The following SNTG1 variants were observed in gnomAD, a reference collection of about 807,000 sequenced individuals.
The protein encoded by SNTG1 is syntrophin gamma 1.
Under a neutral mutation model 74.7 loss-of-function variants are expected in SNTG1, and 39 were observed. The observed-to-expected ratio is 0.52, with a 90% CI of 0.40 to 0.68. The LOEUF (loss-of-function observed/expected upper bound fraction) is 0.68. Ranked by LOEUF, SNTG1 falls within the 30% of genes least tolerant of loss-of-function variation. The pLI is 0.00. For synonymous variants in SNTG1, 254 were observed against 217.1 expected (o/e 1.17, Z -1.49); for missense variants, 685 against 609.5 (o/e 1.12, Z -1.30).
intron 17 of SNTG1, among the ~76,000 whole-genome samples, chr8:50,734,751 A>T (rs1409704933): frequency 2.3e-5 from 2 of 88,172 alleles, no homozygotes; most frequent in Non-Finnish European, 4.2e-5. Context: ...ACATGTATAT[A>T]GATATCTATA....
intron 2 of SNTG1, among the ~76,000 whole-genome samples, chr8:50,352,710 TCA>T (rs1239102730): frequency 6.6e-6 from 1 of 152,164 alleles, no homozygotes; most frequent in Non-Finnish European, 1.5e-5. Context: ...TGGTAATTAT[TCA>T]GTATAGAAGT....
At chr8:50,476,423 G>A (rs921065290) in intron 8 of SNTG1, among the ~76,000 whole-genome samples, 16 of 152,030 alleles carry the variant, frequency 1.1e-4, no homozygotes, top group Admixed American at 8.5e-4. Context: ...ATGGATTATG[G>A]GTTAAAAATT....
chr8:50,313,398 T>C (rs1587079777), intron 2 of SNTG1, among the ~76,000 whole-genome samples: 1 of 149,508 alleles, frequency 6.7e-6, no homozygotes, highest in East Asian at 2.0e-4. Flanking sequence ...TAGAGAAAAA[T>C]ATTTGCAAAT....
At chr8:50,104,877 A>G (rs920340579) in intron 1 of SNTG1, among the ~76,000 whole-genome samples, 4 of 151,948 alleles carry the variant, frequency 2.6e-5, no homozygotes, top group East Asian at 1.9e-4. Context: ...CCACTTTTCA[A>G]TGGGGTTGTT....
At chr8:50,332,609 G>C (rs2091008544) in intron 2 of SNTG1, among the ~76,000 whole-genome samples, 3 of 152,248 alleles carry the variant, frequency 2.0e-5, no homozygotes, top group Admixed American at 6.5e-5. Context: ...GATGGAATCA[G>C]CTCTTAAGTT....
intron 1 of SNTG1, among the ~76,000 whole-genome samples, chr8:50,084,096 C>T (rs893651181): frequency 5.3e-5 from 8 of 152,156 alleles, no homozygotes; most frequent in Middle Eastern, 3.2e-3. Flanking sequence ...CTAAAAGACA[C>T]CTCTCACACT....
intron 17 of SNTG1, among the ~76,000 whole-genome samples, chr8:50,729,989 AC>A (rs1205135899): frequency 6.6e-6 from 1 of 152,072 alleles, no homozygotes; most frequent in Non-Finnish European, 1.5e-5. Flanking sequence ...TGGAGGGAGC[AC>A]CCCGTATTCA....
intron 1 of SNTG1, among the ~76,000 whole-genome samples, chr8:50,051,705 A>G (rs1819590418): frequency 6.6e-6 from 1 of 152,026 alleles, no homozygotes; most frequent in Admixed American, 6.6e-5. Context: ...CCGTTCTGCC[A>G]CCCAGTATTC....
chr8:50,418,716 T>A (rs2093044195), intron 4 of SNTG1, among the ~76,000 whole-genome samples: 1 of 152,110 alleles, frequency 6.6e-6, no homozygotes, highest in Non-Finnish European at 1.5e-5. Flanking sequence ...CTTAAACATG[T>A]TAGGCAAACT....
chr8:50,741,274 C>A (rs571169185), intron 17 of SNTG1, among the ~76,000 whole-genome samples: 2 of 152,028 alleles, frequency 1.3e-5, no homozygotes, highest in South Asian at 4.1e-4. Flanking sequence ...AGGTGTGTGC[C>A]ACCAGTCCTG....
chr8:50,380,111 T>G lies in SNTG1; in HGVS notation c.-27-14101T>G, dbSNP rs188417044. On this transcript the variant is annotated intron_variant, in intron 2 of 18. Transcript: ENST00000642720. The stretch of plus-strand genomic sequence containing the variant: ...GAGAAGCAAACTGCTCTCTGAGTTA[T>G]GCCACTATTATATTGATTTTTTAAA... Among the ~76,000 whole-genome samples, 633 of 152,354 alleles carry G rather than the reference T, an allele frequency of 4.2e-3. 6 individuals are homozygous for G. The highest frequency in any genetic ancestry group is 0.014 in the African/African-American group (581 of 41,592).
intron 2 of SNTG1, among the ~76,000 whole-genome samples, chr8:50,229,055 G>C (rs912476029): frequency 3.3e-5 from 5 of 151,516 alleles, no homozygotes; most frequent in Admixed American, 3.3e-4. Context: ...GTGGTTTATT[G>C]TTATTTGATT....
chr8:50,681,899 C>G (rs2095332362), intron 15 of SNTG1, among the ~76,000 whole-genome samples: 1 of 152,178 alleles, frequency 6.6e-6, no homozygotes, highest in Admixed American at 6.5e-5. Flanking sequence ...TCTGACTCTG[C>G]AGACACACAC....
intron 15 of SNTG1, among the ~76,000 whole-genome samples, chr8:50,672,681 T>C (rs2095290200): frequency 1.3e-5 from 2 of 152,214 alleles, no homozygotes; most frequent in Non-Finnish European, 2.9e-5. Flanking sequence ...GCAGAAGCTC[T>C]TTAGTTTAAT....
chr8:50,024,515 A>G (rs1304210646), intron 1 of SNTG1, among the ~76,000 whole-genome samples: 2 of 152,120 alleles, frequency 1.3e-5, no homozygotes, highest in African/African-American at 2.4e-5. Context: ...TCCAAAAGCC[A>G]GTCAAGCAGT....
chr8:50,363,249 G>A lies in SNTG1; in HGVS notation c.-27-30963G>A, dbSNP rs375244802. On this transcript the variant is annotated intron_variant, in intron 2 of 18. Coordinates refer to ENST00000642720, the MANE Select transcript of SNTG1 (RefSeq NM_018967.5). ...AAGTGCCAAGCATTTTTCCAGGAGC[G>A]GAAAATAAACAAGTATGATCCCTGC... Among the ~76,000 whole-genome samples the A allele has an allele frequency of 6.3e-4, 96 of 152,066 alleles. 2 individuals carry two copies. Among genetic ancestry groups the A allele is most frequent in the South Asian group, 5.8e-3 (28 of 4,818 alleles).
chr8:50,529,125 C>T lies in SNTG1; in HGVS notation c.467-1052C>T, dbSNP rs549713034. On this transcript the variant is annotated intron_variant, in intron 9 of 18. Transcript: ENST00000642720. ...TTTTGTTCAGTTCAAAATGTATATG[C>T]TTTAAAATAATAAGTATATACATTT... Among the ~76,000 whole-genome samples, 9 of 151,700 alleles carry T rather than the reference C, an allele frequency of 5.9e-5. 1 individual carries two copies. The highest frequency in any genetic ancestry group is 1.7e-4 in the African/African-American group (7 of 41,434).
rs188222317 is a variant in SNTG1 at position 50,151,937 on chromosome 8, C to A, written c.-102-20624C>A. 1.1e-4 allele frequency among the ~76,000 whole-genome samples: 16 copies of A among 152,064 alleles called. No homozygotes were observed. In the South Asian group the frequency reaches 3.3e-3, roughly 32 times the overall value. Reference sequence around the variant, plus strand: ...GATATCTATTAGGTCAGCTTGGTGCCGAGCTGAGTTCAATTCCTGGATATC... The same window carrying A: ...GATATCTATTAGGTCAGCTTGGTGCAGAGCTGAGTTCAATTCCTGGATATC... On this transcript the variant is annotated intron_variant, in intron 1 of 18. Transcript: ENST00000642720.
At chr8:50,074,020 T>C (rs1821608261) in intron 1 of SNTG1, among the ~76,000 whole-genome samples, 1 of 151,338 alleles carries the variant, frequency 6.6e-6, no homozygotes, top group South Asian at 2.1e-4. Flanking sequence ...TTAAAGTCAT[T>C]AGCTGAATGA....
Sources: allele counts gnomAD v4.1 joint callset (sites outside exome capture counted in the v4.1 genomes callset), GRCh38; gene constraint gnomAD v4.1.1; transcripts MANE v1.5; gene names NCBI Gene and HGNC (gene_info 2026-07-23, HGNC 2026-07-21).